Variants in CNTNAP4 observed in about 807,000 individuals in gnomAD.
The protein encoded by CNTNAP4 is contactin-associated protein-like 4.
A neutral mutation model predicts 148.4 loss-of-function variants in CNTNAP4; 98 were observed. The observed-to-expected ratio is 0.66, with a 90% confidence interval of 0.56 to 0.78. CNTNAP4 has a LOEUF of 0.78. Among genes scored for constraint, CNTNAP4 ranks in the 30% least tolerant of loss-of-function variants. CNTNAP4 has a pLI of 0.00. For missense variants in CNTNAP4, 1,935 were observed against 1,565.6 expected (o/e 1.24, Z -3.98); for synonymous variants, 730 against 565.1 (o/e 1.29, Z -4.14).
intron 1 of CNTNAP4, among the ~76,000 whole-genome samples, chr16:76,294,154 A>G (rs979153206): frequency 6.6e-6 from 1 of 152,156 alleles, no homozygotes; most frequent in Non-Finnish European, 1.5e-5. Context: ...TCTTCCAGTC[A>G]GGGTGGTGAG....
chr16:76,448,322 A>G, intron 5 of CNTNAP4, 107 bp downstream of exon 5: 1 of 739,416 alleles, frequency 1.4e-6, no homozygotes, highest in East Asian at 2.7e-5. Flanking sequence ...CCTTATTTTC[A>G]GATTCAAGGG....
rs1267768460 is a variant in CNTNAP4 at position 76,397,980 on chromosome 16, A to G, written c.391-29472A>G. Among the ~76,000 whole-genome samples, 7 of 71,072 alleles carry G rather than the reference A, an allele frequency of 9.8e-5. 1 individual carries two copies. The highest frequency in any genetic ancestry group is 6.0e-4 in the Admixed American group (4 of 6,618). The allele number at this position is 71,072 out of a possible 152,430, so 46.6% of individuals were successfully genotyped here. On this transcript the variant is annotated intron_variant, in intron 3 of 23. Coordinates refer to ENST00000611870, the MANE Select transcript of CNTNAP4 (RefSeq NM_033401.5). ...TATATATATATATATATATATATAT[A>G]TATATATATATATATATATATGGAG...
chr16:76,540,733 C>T lies in CNTNAP4; in HGVS notation c.3385C>T (p.Leu1129=). The T allele has an allele frequency of 1.3e-6, 2 of 1,576,012 alleles. No individual in the cohort carries two copies. Among genetic ancestry groups the T allele is most frequent in the Non-Finnish European group, 1.7e-6 (2 of 1,158,908 alleles). ...CGATAATAGAAGGAGACAAGTTCAC[C>T]TGTCATCAGGCACAGAATTCAGTGC... ...IDDNRRRQVH[L]SSGTEFSAVK... Residue 1129 remains leucine (L), a synonymous_variant, in exon 21 of 24, where the codon CTG becomes TTG. Coordinates refer to ENST00000611870, the MANE Select transcript of CNTNAP4 (RefSeq NM_033401.5).
intron 21 of CNTNAP4, among the ~76,000 whole-genome samples, chr16:76,546,783 A>G (rs2084755405): frequency 6.6e-6 from 1 of 152,210 alleles, no homozygotes; most frequent in Non-Finnish European, 1.5e-5. Flanking sequence ...CAAAGGACTA[A>G]TCAGAATCAG....
At chr16:76,442,897 G>A (rs922488007) in intron 4 of CNTNAP4, among the ~76,000 whole-genome samples, 1 of 152,116 alleles carries the variant, frequency 6.6e-6, no homozygotes, top group Non-Finnish European at 1.5e-5. Flanking sequence ...AAGTTTGAGT[G>A]AGTATTCAAA....
chr16:76,557,037 T>C (rs1205013742), intron 23 of CNTNAP4, among the ~76,000 whole-genome samples: 4 of 152,340 alleles, frequency 2.6e-5, no homozygotes, highest in African/African-American at 9.6e-5. Flanking sequence ...AGTTTTACCA[T>C]ATGAGATTTG....
chr16:76,422,401 T>C (rs2079222985), intron 3 of CNTNAP4, among the ~76,000 whole-genome samples: 1 of 152,134 alleles, frequency 6.6e-6, no homozygotes, highest in Non-Finnish European at 1.5e-5. Context: ...AGATATAAAG[T>C]TTAATAGAAA....
At chr16:76,379,503 A>G (rs2015754523) in intron 3 of CNTNAP4, among the ~76,000 whole-genome samples, 1 of 152,328 alleles carries the variant, frequency 6.6e-6, no homozygotes, top group South Asian at 2.1e-4. Context: ...AGTCAATTCC[A>G]AAATGTACTA....
At chr16:76,359,085 T>C (rs2013078442) in intron 3 of CNTNAP4, among the ~76,000 whole-genome samples, 1 of 152,190 alleles carries the variant, frequency 6.6e-6, no homozygotes, top group Non-Finnish European at 1.5e-5. Flanking sequence ...ACCACTTCAA[T>C]TTGCATTTTT....
intron 2 of CNTNAP4, among the ~76,000 whole-genome samples, chr16:76,328,160 T>C (rs1433678714): frequency 3.3e-5 from 5 of 152,198 alleles, no homozygotes; most frequent in African/African-American, 1.2e-4. Flanking sequence ...CACTGTACAT[T>C]ATTGGACTTT....
chr16:76,315,031 T>C (rs1961557795), intron 1 of CNTNAP4, among the ~76,000 whole-genome samples: 1 of 152,210 alleles, frequency 6.6e-6, no homozygotes, highest in South Asian at 2.1e-4. Flanking sequence ...CTTGATTTTG[T>C]TTTCCTCAAA....
chr16:76,458,795 T>C (rs917514802), intron 8 of CNTNAP4, among the ~76,000 whole-genome samples: 1 of 152,156 alleles, frequency 6.6e-6, no homozygotes, highest in Non-Finnish European at 1.5e-5. Context: ...TGGGGACGCC[T>C]ATTTTTGGTA....
At chr16:76,395,214 A>G (rs1243901523) in intron 3 of CNTNAP4, among the ~76,000 whole-genome samples, 1 of 152,044 alleles carries the variant, frequency 6.6e-6, no homozygotes, top group African/African-American at 2.4e-5. Context: ...AGAGGGCATC[A>G]GCAGATTTGA....
In CNTNAP4 at chr16:76,475,999, T is replaced by C. The variant is rs2081562590; in HGVS notation, c.1716T>C (p.His572=). 1 of 1,613,840 alleles carries C rather than the reference T, an allele frequency of 6.2e-7. No homozygotes were observed. The highest frequency in any genetic ancestry group is 1.7e-5 in the Admixed American group (1 of 60,000). The change falls in exon 11 of 24, where the codon CAT becomes CAC. Residue 572 remains histidine, a synonymous_variant. Transcript: ENST00000611870. ...GTTCCCAGTCCTGGAGCACCTTTCATTGTAACTGTACCAACACTGGTTACA... is the reference window on the plus strand; with the variant it reads ...GTTCCCAGTCCTGGAGCACCTTTCACTGTAACTGTACCAACACTGGTTACA... ...GECSQSWSTF[H]CNCTNTGYRG...
At chr16:76,392,073 G>C (rs1302045213) in intron 3 of CNTNAP4, among the ~76,000 whole-genome samples, 1 of 152,066 alleles carries the variant, frequency 6.6e-6, no homozygotes, top group African/African-American at 2.4e-5. Flanking sequence ...TCACTGCAAC[G>C]AGTTCTGCCT....
chr16:76,317,403 AAGAC>A (rs1725683746), intron 2 of CNTNAP4, among the ~76,000 whole-genome samples: 1 of 152,144 alleles, frequency 6.6e-6, no homozygotes, highest in Non-Finnish European at 1.5e-5. Flanking sequence ...CTGTAGAAAT[AAGAC>A]AGAATTTCAA....
chr16:76,521,911 A>G, intron 16 of CNTNAP4, 128 bp from the exon 17 acceptor site: 1 of 839,444 alleles, frequency 1.2e-6, no homozygotes, highest in Non-Finnish European at 2.0e-6. Flanking sequence ...AATAGCATTG[A>G]AACCATCTAT....
chr16:76,334,859 A>G (rs2144287289), intron 2 of CNTNAP4, among the ~76,000 whole-genome samples: 1 of 152,146 alleles, frequency 6.6e-6, no homozygotes, highest in South Asian at 2.1e-4. Flanking sequence ...TCCTGCCTAG[A>G]TAAGAGCAAA....
At chr16:76,330,176 G>T (rs2144238428) in intron 2 of CNTNAP4, among the ~76,000 whole-genome samples, 1 of 152,066 alleles carries the variant, frequency 6.6e-6, no homozygotes. Context: ...TTTTCTTTCT[G>T]GTTCCTGGTG....
Sources: allele counts gnomAD v4.1 joint callset (sites outside exome capture counted in the v4.1 genomes callset), GRCh38; gene constraint gnomAD v4.1.1; transcripts MANE v1.5; gene names NCBI Gene and HGNC (gene_info 2026-07-23, HGNC 2026-07-21).